NRXN2: variants seen among roughly 807,000 people sequenced by gnomAD.
NRXN2 encodes the protein neurexin 2.
A neutral mutation model predicts 128.8 loss-of-function variants in NRXN2; 29 were observed. The ratio of observed to expected loss-of-function variants is 0.23; its 90% confidence interval spans 0.17 to 0.31. The LOEUF (loss-of-function observed/expected upper bound fraction) is 0.31, where lower values mean the gene tolerates loss of function less well. Ranked by LOEUF, NRXN2 falls within the 10% of genes least tolerant of loss-of-function variation. NRXN2 has a pLI of 1.00. For missense variants in NRXN2, 1,881 were observed against 2,452.6 expected, an observed-to-expected ratio of 0.77 and a Z score of 4.92; for synonymous variants, 1,098 against 1,075.2, an observed-to-expected ratio of 1.02 and a Z score of -0.41.
Position 64,607,669 on chromosome 11 carries a change from G to C in NRXN2, c.4666C>G (p.Pro1556Ala), listed in dbSNP as rs1459905198. The change falls in exon 23 of 23, where the codon CCG becomes GCG. Residue 1556 changes from proline (P) to alanine (A), a missense_variant. By Grantham distance (27) the Pro-to-Ala change is conservative (BLOSUM62 -1). This residue lies in a region of NRXN2 where 310 missense variants were observed against 318.2 expected (regional missense o/e 0.97). Transcript: ENST00000265459. ...TTGCCCGCCGGCAGGTTGGGGGCCGGGGCGGAGGGGGCAAACAGCACCCCA... is the reference window on the plus strand; with the variant it reads ...TTGCCCGCCGGCAGGTTGGGGGCCGCGGCGGAGGGGGCAAACAGCACCCCA... ...APGVLFAPSA[P>A]APNLPAGKMN... 6.5e-7 allele frequency: 1 copy of C among 1,529,590 alleles called. No homozygotes were observed. The highest frequency in any genetic ancestry group is 2.0e-5 in the Admixed American group (1 of 49,480). The allele number at this position is 1,529,590 out of a possible 1,614,324, so 94.8% of individuals were successfully genotyped here.
chr11:64,671,504 C>T (rs1037505317), intron 7 of NRXN2, among the ~76,000 whole-genome samples: 5 of 152,132 alleles, frequency 3.3e-5, no homozygotes, highest in East Asian at 1.9e-4. Context: ...ACCTCCCCCC[C>T]ACGCATCTTC....
At position 64,660,372 on chromosome 11, in the gene NRXN2, C is replaced by T. The variant is rs2048855098; in HGVS notation, c.2349G>A (p.Leu783=). 1 of 1,614,120 alleles carries T rather than the reference C, an allele frequency of 6.2e-7. No individual in the cohort carries two copies. The highest frequency in any genetic ancestry group is 8.5e-7 in the Non-Finnish European group (1 of 1,180,012). Reference sequence around the variant, plus strand: ...GCTTCATCTGCCCCCCATCCAGCTCCAGGCGTAGGGTGTCGGCAGACTCCC... The same window carrying T: ...GCTTCATCTGCCCCCCATCCAGCTCTAGGCGTAGGGTGTCGGCAGACTCCC... The part of the protein sequence containing the change: ...TSRESADTLR[L]ELDGGQMKLT... Residue 783 remains leucine, a synonymous_variant, in exon 11 of 23, where the codon CTG becomes CTA. Transcript: ENST00000265459. The surrounding 1 kb of genome is among the most constrained non-coding windows in gnomAD (Gnocchi z 5.2).
chr11:64,682,654 C>T (rs2052478854), intron 6 of NRXN2, among the ~76,000 whole-genome samples: 1 of 152,232 alleles, frequency 6.6e-6, no homozygotes, highest in African/African-American at 2.4e-5. Flanking sequence ...GCTTGTCTTC[C>T]AAATTTGGTG....
chr11:64,668,329 G>T, intron 8 of NRXN2, 114 bp downstream of exon 8: 2 of 1,343,918 alleles, frequency 1.5e-6, no homozygotes, highest in Non-Finnish European at 2.1e-6. Flanking sequence ...CTCCCACCAT[G>T]GACTTGGAAG....
intron 22 of NRXN2, among the ~76,000 whole-genome samples, chr11:64,609,204 C>T (rs1811591546): frequency 1.3e-5 from 2 of 151,914 alleles, no homozygotes; most frequent in African/African-American, 4.8e-5. Flanking sequence ...GCCTAACTCC[C>T]CAACTTTCTC....
At chr11:64,652,936 C>T (rs1016210351) in intron 12 of NRXN2, among the ~76,000 whole-genome samples, 7 of 152,040 alleles carry the variant, frequency 4.6e-5, no homozygotes, top group Non-Finnish European at 5.9e-5. Context: ...CCCCCCACCC[C>T]GAGGGCTCCA....
At chr11:64,644,216 C>T (rs1368431571) in intron 17 of NRXN2, among the ~76,000 whole-genome samples, 2 of 152,126 alleles carry the variant, frequency 1.3e-5, no homozygotes, top group Non-Finnish European at 2.9e-5. Flanking sequence ...CAAGCTCACC[C>T]TCCAAAATAG....
chr11:64,622,981 G>A lies in NRXN2; in HGVS notation c.3945C>T (p.Tyr1315=), dbSNP rs1452306686. Reference sequence around the variant, plus strand: ...CCAGCGCCAGCACCTTGAGCCCATTGTAGTAGAGGCCGGACACCTGGCCCT... The same window carrying A: ...CCAGCGCCAGCACCTTGAGCCCATTATAGTAGAGGCCGGACACCTGGCCCT... ...PFQGQVSGLY[Y]NGLKVLALAA... Residue 1315 remains tyrosine, a synonymous_variant, in exon 21 of 23, where the codon TAC becomes TAT. Coordinates refer to ENST00000265459, the MANE Select transcript of NRXN2 (RefSeq NM_015080.4). This position sits in a 1 kb window ranked among gnomAD's most constrained non-coding sequence, Gnocchi z 4.3. The A allele has an allele frequency of 1.9e-6, 3 of 1,613,384 alleles. No homozygotes were observed. In the South Asian group the frequency reaches 3.3e-5, roughly 18 times the overall value.
chr11:64,666,706 G>A (rs1392233519), intron 9 of NRXN2, among the ~76,000 whole-genome samples: 1 of 152,052 alleles, frequency 6.6e-6, no homozygotes, highest in Non-Finnish European at 1.5e-5. Context: ...TGGGACTACA[G>A]GTGCCCGCCA....
At chr11:64,715,629 C>T (rs1056016368) in intron 1 of NRXN2, among the ~76,000 whole-genome samples, 8 of 152,170 alleles carry the variant, frequency 5.3e-5, no homozygotes, top group Non-Finnish European at 1.0e-4. Flanking sequence ...TCCAAGAGGC[C>T]GGTAAAGCTC....
intron 9 of NRXN2, among the ~76,000 whole-genome samples, chr11:64,663,200 T>C (rs1337425710): frequency 2.6e-5 from 4 of 151,748 alleles, no homozygotes; most frequent in African/African-American, 9.7e-5. Context: ...TGAAACCCCA[T>C]CTCTACTAAA....
intron 19 of NRXN2, among the ~76,000 whole-genome samples, chr11:64,627,664 GCA>G (rs2135355277): frequency 6.6e-6 from 1 of 152,250 alleles, no homozygotes; most frequent in African/African-American, 2.4e-5. Flanking sequence ...GTGTGTGTGT[GCA>G]CAGACGCCTA....
intron 17 of NRXN2, among the ~76,000 whole-genome samples, chr11:64,645,487 A>G (rs12418702): frequency 0.039 from 5,947 of 152,146 alleles, 173 homozygotes; most frequent in Non-Finnish European, 0.062. Flanking sequence ...GCTCTGAAAG[A>G]CAGAGGAGTA....
At chr11:64,710,235 T>G (rs1156892711) in intron 2 of NRXN2, among the ~76,000 whole-genome samples, 4 of 151,644 alleles carry the variant, frequency 2.6e-5, no homozygotes, top group African/African-American at 9.7e-5. Context: ...CATGACTCTC[T>G]CTCACACACA....
intron 17 of NRXN2, among the ~76,000 whole-genome samples, chr11:64,637,101 C>T (rs948612790): frequency 2.0e-5 from 3 of 151,864 alleles, no homozygotes; most frequent in Non-Finnish European, 4.4e-5. Context: ...CCCCAGAGCA[C>T]CCACCATCAA....
At chr11:64,637,178 G>T (rs947725414) in intron 17 of NRXN2, among the ~76,000 whole-genome samples, 1 of 152,124 alleles carries the variant, frequency 6.6e-6, no homozygotes, top group African/African-American at 2.4e-5. Context: ...GAACCACCTG[G>T]ATGGCTAATA....
chr11:64,692,522 C>T (rs989768917), intron 4 of NRXN2, among the ~76,000 whole-genome samples: 2 of 151,836 alleles, frequency 1.3e-5, no homozygotes, highest in East Asian at 1.9e-4. Context: ...ACCAGGAAAA[C>T]GCAAAAAAAG....
intron 17 of NRXN2, among the ~76,000 whole-genome samples, chr11:64,644,330 G>A (rs1028449451): frequency 6.6e-6 from 1 of 151,198 alleles, no homozygotes; most frequent in Non-Finnish European, 1.5e-5. Flanking sequence ...TGCTCCCCCA[G>A]CCCCCTGCAC....
chr11:64,649,006 C>G, intron 15 of NRXN2, 99 bp from the exon 16 acceptor site: 3 of 1,267,454 alleles, frequency 2.4e-6, no homozygotes, highest in South Asian at 2.4e-5. Context: ...CTCAGGTTCT[C>G]TGCGTTCCAT....
Sources: allele counts gnomAD v4.1 joint callset (sites outside exome capture counted in the v4.1 genomes callset), GRCh38; gene constraint gnomAD v4.1.1; regional missense constraint gnomAD v4.1.1; non-coding constraint Gnocchi (gnomAD v3.1); transcripts MANE v1.5; gene names NCBI Gene and HGNC (gene_info 2026-07-23, HGNC 2026-07-21).